RAB37: variants seen among roughly 807,000 people sequenced by gnomAD.
The protein encoded by RAB37 is RAB37, member RAS oncogene family.
A neutral mutation model predicts 33.1 loss-of-function variants in RAB37; 29 were observed. The observed-to-expected ratio is 0.88, with a 90% CI of 0.65 to 1.20. The LOEUF (loss-of-function observed/expected upper bound fraction) is 1.20, where lower values mean the gene tolerates loss of function less well. RAB37 is among the 50% of genes most tolerant of loss of function. The probability of loss-of-function intolerance (pLI) is 0.00; values close to 1 mark genes in which losing one functional copy is unlikely to be tolerated. For missense variants in RAB37, 299 were observed against 301.1 expected (o/e 0.99, Z 0.05); for synonymous variants, 128 against 119.5 (o/e 1.07, Z -0.47).
Position 74,693,070 on chromosome 17 carries a change from G to A in RAB37, c.72+21412G>A, listed in dbSNP as rs544022418. ...GTCATTTCACCAAAGGAAATAAAGCGGAGCAACAAGACAGAGAGAAATTGG... is the reference window on the plus strand; with the variant it reads ...GTCATTTCACCAAAGGAAATAAAGCAGAGCAACAAGACAGAGAGAAATTGG... On this transcript the variant is annotated intron_variant, in intron 1 of 7. Coordinates refer to the RAB37 transcript ENST00000340415. Among the ~76,000 whole-genome samples the A allele has an allele frequency of 1.4e-3, 208 of 152,282 alleles. 3 individuals are homozygous for A. Among genetic ancestry groups the A allele is most frequent in the Middle Eastern group, 0.01 (3 of 294 alleles).
chr17:74,693,224 G>C (rs2032199859), intron 1 of RAB37, among the ~76,000 whole-genome samples: 1 of 152,216 alleles, frequency 6.6e-6, no homozygotes, highest in South Asian at 2.1e-4. Context: ...GAGCATTCTG[G>C]AAAGGAGGAA....
chr17:74,729,329 C>T lies in RAB37; in HGVS notation c.146C>T (p.Pro49Leu), dbSNP rs765762501. The T allele has an allele frequency of 1.9e-6, 3 of 1,614,046 alleles. No homozygotes were observed. The highest frequency in any genetic ancestry group is 2.5e-6 in the Non-Finnish European group (3 of 1,179,988). Residue 49 changes from proline to leucine, a missense_variant, in exon 2 of 8, where the codon CCC becomes CTC. Transcript: ENST00000340415. The surrounding 1 kb of genome is among the most constrained non-coding windows in gnomAD (Gnocchi z 4.2). Reference sequence around the variant, plus strand: ...CAGTTCGATCAGGGCAAGTTCATCCCCGGCTCCTTCTCGGCCACTGTGGGC... The same window carrying T: ...CAGTTCGATCAGGGCAAGTTCATCCTCGGCTCCTTCTCGGCCACTGTGGGC...
intron 1 of RAB37, among the ~76,000 whole-genome samples, chr17:74,709,788 G>A (rs1426165553): frequency 6.6e-6 from 1 of 151,900 alleles, no homozygotes; most frequent in Non-Finnish European, 1.5e-5. Context: ...GCCCAAGCTG[G>A]TCTCAAACTC....
chr17:74,692,087 C>G (rs980086079), intron 1 of RAB37, among the ~76,000 whole-genome samples: 1 of 151,900 alleles, frequency 6.6e-6, no homozygotes, highest in Admixed American at 6.6e-5. Context: ...AGGATGGTCT[C>G]GATCTCCTGA....
chr17:74,713,378 C>T (rs1326767449), intron 1 of RAB37, among the ~76,000 whole-genome samples: 1 of 151,204 alleles, frequency 6.6e-6, no homozygotes, highest in Non-Finnish European at 1.5e-5. Flanking sequence ...GTTGACAATG[C>T]AAGGGGTCAC....
At chr17:74,737,808 A>G (rs1299716300) in intron 1 of RAB37, among the ~76,000 whole-genome samples, 1 of 152,132 alleles carries the variant, frequency 6.6e-6, no homozygotes, top group Admixed American at 6.5e-5. Flanking sequence ...GAGATCTGAC[A>G]TCCAGGTTTA....
At chr17:74,728,730 G>A (rs1186470125) in intron 1 of RAB37, among the ~76,000 whole-genome samples, 1 of 151,902 alleles carries the variant, frequency 6.6e-6, no homozygotes, top group Non-Finnish European at 1.5e-5. Context: ...GTGCATATAT[G>A]TGTACATGTG....
chr17:74,695,471 G>A (rs547884152), intron 1 of RAB37, among the ~76,000 whole-genome samples: 7 of 152,270 alleles, frequency 4.6e-5, no homozygotes, highest in African/African-American at 1.4e-4. Flanking sequence ...CATTTCCTGT[G>A]GAATCCCAAG....
Position 74,744,388 on chromosome 17 carries a change from G to A in RAB37, c.432+15G>A, listed in dbSNP as rs1206439119. 6.8e-6 allele frequency: 11 copies of A among 1,613,648 alleles called. No individual in the cohort carries two copies. Among genetic ancestry groups the A allele is most frequent in the Non-Finnish European group, 9.3e-6 (11 of 1,179,758 alleles). On this transcript the variant is annotated intron_variant, in intron 6 of 8. Transcript: ENST00000392613. This position sits in a 1 kb window ranked among gnomAD's most constrained non-coding sequence, Gnocchi z 4.2. ...TAGGCAACAAGGTGAGTGGCTCCGG[G>A]GCAGGGTCAGCCCAGCCCTGCACTT...
rs2034644152 is a variant in RAB37 at position 74,742,568 on chromosome 17, G to T, written c.246+273G>T. The stretch of plus-strand genomic sequence containing the variant: ...GCCAGGGCTTTATCTGCTCTTAGGA[G>T]ATTGGACATCCCCAACCCCTGAGCT... On this transcript the variant is annotated intron_variant, in intron 3 of 8. Coordinates refer to ENST00000392613, the MANE Select transcript of RAB37 (RefSeq NM_001006638.3). The surrounding 1 kb of genome is among the most constrained non-coding windows in gnomAD (Gnocchi z 4.0). Among the ~76,000 whole-genome samples the T allele has an allele frequency of 6.6e-6, 1 of 152,094 alleles. No individual in the cohort carries two copies.
chr17:74,687,217 TA>T (rs1567776350), intron 1 of RAB37, among the ~76,000 whole-genome samples: 1 of 151,216 alleles, frequency 6.6e-6, no homozygotes, highest in Admixed American at 6.6e-5. Flanking sequence ...ATTTTATTTT[TA>T]TTTATTTATT....
chr17:74,729,158 G>C lies in RAB37; in HGVS notation c.73-98G>C. ...GTGTGTGTGTGCATGTTGTGCACATGCGTGCTTAGAAAGAATCCACTCCCA... is the reference window on the plus strand; with the variant it reads ...GTGTGTGTGTGCATGTTGTGCACATCCGTGCTTAGAAAGAATCCACTCCCA... On this transcript the variant is annotated intron_variant, in intron 1 of 7. Coordinates refer to the RAB37 transcript ENST00000340415. The surrounding 1 kb of genome is among the most constrained non-coding windows in gnomAD (Gnocchi z 4.2). The C allele has an allele frequency of 1.3e-6, 1 of 792,672 alleles. No homozygotes were observed. The highest frequency in any genetic ancestry group is 2.3e-6 in the Non-Finnish European group (1 of 436,112). The allele number at this position is 792,672 out of a possible 1,614,324, so 49.1% of individuals were successfully genotyped here.
At chr17:74,734,259 T>C (rs1361939170), upstream of RAB37, among the ~76,000 whole-genome samples, 1 of 152,248 alleles carries the variant, frequency 6.6e-6, no homozygotes, top group Non-Finnish European at 1.5e-5. Flanking sequence ...CCATCTTGCC[T>C]CTGTCTTCAC....
At chr17:74,735,133 AGAG>A (rs1372323136), upstream of RAB37, among the ~76,000 whole-genome samples, 2 of 145,322 alleles carry the variant, frequency 1.4e-5, no homozygotes, top group African/African-American at 5.1e-5. Context: ...GAAAGAAAGA[AGAG>A]AGAGAGAGAG....
chr17:74,679,446 A>C (rs1423958103), intron 1 of RAB37, among the ~76,000 whole-genome samples: 1 of 152,054 alleles, frequency 6.6e-6, no homozygotes, highest in Admixed American at 6.5e-5. Flanking sequence ...CTCAGGTTTC[A>C]TTTGGTTATC....
chr17:74,741,776 G>A (rs2034624615), intron 2 of RAB37, among the ~76,000 whole-genome samples: 1 of 152,198 alleles, frequency 6.6e-6, no homozygotes, highest in South Asian at 2.1e-4. Context: ...CAAGCAGGCA[G>A]AAAGCGAACA....
intron 1 of RAB37, among the ~76,000 whole-genome samples, chr17:74,681,438 A>G (rs550589174): frequency 6.6e-6 from 1 of 152,356 alleles, no homozygotes; most frequent in South Asian, 2.1e-4. Flanking sequence ...AGAAGTGCCC[A>G]GTGCAAAGAC....
intron 1 of RAB37, among the ~76,000 whole-genome samples, chr17:74,726,814 T>C (rs780689923): frequency 1.1e-3 from 162 of 152,348 alleles, no homozygotes; most frequent in Non-Finnish European, 2.0e-3. Context: ...ACGGTTTAGT[T>C]GTTTTTATGT....
chr17:74,695,720 C>A (rs747675801), intron 1 of RAB37: 1 of 1,614,076 alleles, frequency 6.2e-7, no homozygotes, highest in South Asian at 1.1e-5. Flanking sequence ...CCATGGAGGA[C>A]GCACCATGGT....
Sources: gnomAD v4.1 joint callset for allele counts (sites outside exome capture counted in the v4.1 genomes callset) on GRCh38, gnomAD v4.1.1 for gene constraint, Gnocchi (gnomAD v3.1) non-coding constraint, MANE v1.5 for transcripts, NCBI Gene and HGNC (gene_info 2026-07-23, HGNC 2026-07-21) for gene names.